The following SLC44A4 variants were observed in gnomAD, a reference collection of about 807,000 sequenced individuals.
The protein encoded by SLC44A4 is choline transporter-like protein 4.
A neutral mutation model predicts 97.0 loss-of-function variants in SLC44A4; 74 were observed. The observed-to-expected ratio is 0.76, with a 90% CI of 0.63 to 0.93. The LOEUF (loss-of-function observed/expected upper bound fraction) is 0.93. Among genes scored for constraint, SLC44A4 ranks in the 40% least tolerant of loss-of-function variants. The pLI, the probability that SLC44A4 is intolerant of heterozygous loss-of-function variation, is 0.00. For synonymous variants in SLC44A4, 325 were observed against 363.8 expected, an observed-to-expected ratio of 0.89 and a Z score of 1.21; for missense variants, 799 against 902.9, an observed-to-expected ratio of 0.88 and a Z score of 1.48.
rs375543593 is a variant in SLC44A4 at position 31,865,297 on chromosome 6, G to A, written c.1760+18C>T. The stretch of plus-strand genomic sequence containing the variant: ...GATCAGAGGAGGGAGCCACAAAGCG[G>A]GGGGGGAGCAGCCTAACCTGACAAT... On this transcript the variant is annotated intron_variant, in intron 17 of 20. Transcript: ENST00000229729. The surrounding 1 kb of genome is among the most constrained non-coding windows in gnomAD (Gnocchi z 5.2). 1.5e-5 allele frequency: 25 copies of A among 1,613,676 alleles called. No homozygotes were observed. The highest frequency in any genetic ancestry group is 8.8e-5 in the South Asian group (8 of 91,082).
In SLC44A4 at chr6:31,876,289, G is replaced by T. The variant is rs1763443188; in HGVS notation, c.90-160C>A. 6.6e-6 allele frequency among the ~76,000 whole-genome samples: 1 copy of T among 152,026 alleles called. No homozygotes were observed. Among genetic ancestry groups the T allele is most frequent in the South Asian group, 2.1e-4 (1 of 4,822 alleles). ...TATTGCTTTTACTTTTTTATTTTGA[G>T]ACAGGGTCTCACTCTGTCACACAGA... On this transcript the variant is annotated intron_variant, in intron 2 of 20. Transcript: ENST00000229729. This position sits in a 1 kb window ranked among gnomAD's most constrained non-coding sequence, Gnocchi z 4.8.
chr6:31,869,156 G>C lies in SLC44A4; in HGVS notation c.1232C>G (p.Thr411Arg). 1 of 1,603,498 alleles carries C rather than the reference G, an allele frequency of 6.2e-7. No individual in the cohort carries two copies. Among genetic ancestry groups the C allele is most frequent in the Non-Finnish European group, 8.5e-7 (1 of 1,175,098 alleles). The change falls in exon 13 of 21, where the codon ACG (threonine) becomes AGG (arginine). Residue 411 changes from threonine (T) to arginine (R), a missense_variant and splice_region_variant. Thr to Arg is a moderately conservative substitution (Grantham distance 71). Around this residue, in one of 3 missense-constraint regions of SLC44A4, gnomAD observed 379 missense variants for 438.3 expected, o/e 0.86. Transcript: ENST00000229729. Reference protein sequence around the residue: ...KVPINTSCNPTAHLVNSSCPG... With the variant: ...KVPINTSCNPRAHLVNSSCPG... ...TCCATGTCCCCTGCTTCCTCTTACCGTGGGGTTGCATGATGTATTTATTGG... is the reference window on the plus strand; with the variant it reads ...TCCATGTCCCCTGCTTCCTCTTACCCTGGGGTTGCATGATGTATTTATTGG...
Position 31,876,074 on chromosome 6 carries a change from T to C in SLC44A4, c.145A>G (p.Ile49Val), listed in dbSNP as rs755379510. The change falls in exon 3 of 21, where the codon ATC becomes GTC. Residue 49 changes from isoleucine (I) to valine (V), a missense_variant. Ile to Val is a conservative substitution (Grantham distance 29). Transcript: ENST00000229729. The surrounding 1 kb of genome is among the most constrained non-coding windows in gnomAD (Gnocchi z 4.8). ...AACTCACCCACAATCCCCACCACGA[T>C]GTAACCTAGAATGAAGAGCAGGAAG... ...VLFLLFILGYIVVGIVAWLYG... is the reference protein window; with the variant it reads ...VLFLLFILGYVVVGIVAWLYG... The C allele has an allele frequency of 6.2e-7, 1 of 1,613,900 alleles. No homozygotes were observed. Among genetic ancestry groups the C allele is most frequent in the East Asian group, 2.2e-5 (1 of 44,868 alleles).
At chr6:31,867,331 G>A (rs1481350950) in intron 13 of SLC44A4, among the ~76,000 whole-genome samples, 6 of 151,302 alleles carry the variant, frequency 4.0e-5, no homozygotes, top group Non-Finnish European at 7.4e-5. Flanking sequence ...TGGACCTCAT[G>A]ATTCACCTGC....
At chr6:31,868,921 T>C (rs1762998477) in intron 13 of SLC44A4, among the ~76,000 whole-genome samples, 1 of 152,106 alleles carries the variant, frequency 6.6e-6, no homozygotes, top group Non-Finnish European at 1.5e-5. Flanking sequence ...AGTCCTGGTA[T>C]CCAGGGCTGT....
At chr6:31,870,341 C>T (rs1763089630) in intron 11 of SLC44A4, among the ~76,000 whole-genome samples, 1 of 152,112 alleles carries the variant, frequency 6.6e-6, no homozygotes. Flanking sequence ...TCAGCCACCA[C>T]CACTCCCACC....
In SLC44A4 at chr6:31,865,366, A is replaced by C. The variant is rs778059469; in HGVS notation, c.1709T>G (p.Phe570Cys). The C allele has an allele frequency of 4.0e-5, 65 of 1,613,912 alleles. No individual in the cohort carries two copies. Among genetic ancestry groups the C allele is most frequent in the Non-Finnish European group, 5.0e-5 (59 of 1,180,032 alleles). Residue 570 changes from phenylalanine to cysteine, a missense_variant, in exon 17 of 21, where the codon TTC (phenylalanine) becomes TGC (cysteine). Phe to Cys is a radical substitution (Grantham distance 205). Coordinates refer to ENST00000229729, the MANE Select transcript of SLC44A4 (RefSeq NM_025257.3). The surrounding 1 kb of genome is among the most constrained non-coding windows in gnomAD (Gnocchi z 5.2). ...YIMIAIYGKN[F>C]CVSAKNAFML... is the part of the protein sequence containing the mutation. Reference sequence around the variant, plus strand: ...GAACGCATTTTTGGCTGAGACACAGAAATTCTTCCCGTAGATGGCGATCTG... The same window carrying C: ...GAACGCATTTTTGGCTGAGACACAGCAATTCTTCCCGTAGATGGCGATCTG...
chr6:31,871,454 TG>T lies in SLC44A4; in HGVS notation c.617+19del. The T allele has an allele frequency of 6.2e-7, 1 of 1,613,670 alleles. No homozygotes were observed. ...GGGTGGAAGGGGTGTGGCCAGGATG[TG>T]GGGGAGGGAGGTGCCTACCTGATCC... On this transcript the variant is annotated intron_variant, in intron 8 of 20. Transcript: ENST00000229729.
Position 31,877,675 on chromosome 6 carries a change from C to T in SLC44A4, c.41-593G>A. On this transcript the variant is annotated intron_variant, in intron 1 of 20. Transcript: ENST00000229729. The surrounding 1 kb of genome is among the most constrained non-coding windows in gnomAD (Gnocchi z 6.5). ...CTCACTCTGGTGGGACCTCAGTCCCCTGGCCACAGTGTGCTCCGGGCTCTG... is the reference window on the plus strand; with the variant it reads ...CTCACTCTGGTGGGACCTCAGTCCCTTGGCCACAGTGTGCTCCGGGCTCTG... 1.0e-6 allele frequency: 1 copy of T among 978,056 alleles called. No individual in the cohort carries two copies. Among genetic ancestry groups the T allele is most frequent in the African/African-American group, 1.7e-5 (1 of 57,170 alleles). 60.6% of individuals were successfully genotyped at this position (978,056 alleles called of 1,614,324 possible). A position where few individuals can be genotyped will look rare whatever the true frequency, so the allele number is the denominator to read the frequency against.
intron 4 of SLC44A4, among the ~76,000 whole-genome samples, chr6:31,875,548 C>A (rs2151570204): frequency 6.6e-6 from 1 of 152,316 alleles, no homozygotes. Context: ...TTGTCCAAGG[C>A]CACACAACCA....
In SLC44A4 at chr6:31,874,260, T is replaced by C. The variant is rs138562632; in HGVS notation, c.529+200A>G. On this transcript the variant is annotated intron_variant, in intron 7 of 20. Transcript: ENST00000229729. The surrounding 1 kb of genome is among the most constrained non-coding windows in gnomAD (Gnocchi z 4.8). The stretch of plus-strand genomic sequence containing the variant: ...TATCCCTGCCTCTGTCCCCAGCACC[T>C]GGCACATAGTAGGTCCCCAAAACAC... 1.0e-3 allele frequency among the ~76,000 whole-genome samples: 155 copies of C among 152,342 alleles called. 1 individual carries two copies. The highest frequency in any genetic ancestry group is 6.8e-3 in the Admixed American group (104 of 15,302).
chr6:31,871,322 C>A lies in SLC44A4; in HGVS notation c.693G>T (p.Trp231Cys). Residue 231 changes from tryptophan to cysteine, a missense_variant, in exon 9 of 21, where the codon TGG (tryptophan) becomes TGT (cysteine). Physicochemically the swap from Trp to Cys is radical, Grantham distance 215. This residue lies in a region of SLC44A4 where 409 missense variants were observed against 434.1 expected (regional missense o/e 0.94). Transcript: ENST00000229729. ...IFEDFAQSWY[W>C]ILVALGVALV... ...GGAATCTGGTGACTCACACAAGAAT[C>A]CAATACCAGGACTGGGCAAAATCTT... 3 of 1,614,002 alleles carry A rather than the reference C, an allele frequency of 1.9e-6. No homozygotes were observed. Among genetic ancestry groups the A allele is most frequent in the Non-Finnish European group, 1.7e-6 (2 of 1,179,896 alleles).
Position 31,869,136 on chromosome 6 carries a change from G to A in SLC44A4, c.1233+19C>T, listed in dbSNP as rs1763009309. 6 of 1,586,554 alleles carry A rather than the reference G, an allele frequency of 3.8e-6. No homozygotes were observed. The highest frequency in any genetic ancestry group is 5.2e-6 in the Non-Finnish European group (6 of 1,164,912). ...TCACCCCTACTAGTCCCGCCTCCAT[G>A]TCCCCTGCTTCCTCTTACCGTGGGG... On this transcript the variant is annotated intron_variant, in intron 13 of 20. Coordinates refer to ENST00000229729, the MANE Select transcript of SLC44A4 (RefSeq NM_025257.3).
rs989078144 is a variant in SLC44A4, at chr6:31,874,230, G to A, written c.529+230C>T. ...TAGAATGTAGCTGAAGCAGGGAGCA[G>A]TTGTTATCCCTGCCTCTGTCCCCAG... On this transcript the variant is annotated intron_variant, in intron 7 of 20. Transcript: ENST00000229729. This position sits in a 1 kb window ranked among gnomAD's most constrained non-coding sequence, Gnocchi z 4.8. Among the ~76,000 whole-genome samples the A allele has an allele frequency of 6.6e-6, 1 of 152,186 alleles. No homozygotes were observed. The highest frequency in any genetic ancestry group is 2.4e-5 in the African/African-American group (1 of 41,444).
At chr6:31,868,830 A>G (rs995578631) in intron 13 of SLC44A4, among the ~76,000 whole-genome samples, 1 of 130,642 alleles carries the variant, frequency 7.7e-6, no homozygotes, top group Non-Finnish European at 1.6e-5. Context: ...CAAACAAACA[A>G]ACAGGAGTAG....
At chr6:31,869,708 G>A (rs949137780) in intron 11 of SLC44A4, 71 bp from the exon 12 acceptor site, 3 of 1,280,850 alleles carry the variant, frequency 2.3e-6, no homozygotes, top group African/African-American at 1.5e-5. Context: ...GACCCCGGCC[G>A]GGCGCAGTGG....
At chr6:31,871,761 C>T (rs1763191810) in intron 7 of SLC44A4, among the ~76,000 whole-genome samples, 200 bp from the exon 8 acceptor site, 1 of 152,112 alleles carries the variant, frequency 6.6e-6, no homozygotes, top group African/African-American at 2.4e-5. Flanking sequence ...CCCTGTCGTG[C>T]CTTGGTTTGG....
At chr6:31,871,610 G>T in intron 7 of SLC44A4, 49 bp from the exon 8 acceptor site, 2 of 1,460,836 alleles carry the variant, frequency 1.4e-6, no homozygotes, top group Non-Finnish European at 1.9e-6. Flanking sequence ...AGCTCTGCCT[G>T]GAGGGTCTCT....
chr6:31,867,139 G>T (rs1424720800), intron 13 of SLC44A4, among the ~76,000 whole-genome samples: 1 of 151,780 alleles, frequency 6.6e-6, no homozygotes, highest in East Asian at 2.0e-4. Flanking sequence ...GAGTACAGTG[G>T]CTCAATCTCA....
Sources: allele counts gnomAD v4.1 joint callset (sites outside exome capture counted in the v4.1 genomes callset), GRCh38; gene constraint gnomAD v4.1.1; regional missense constraint gnomAD v4.1.1; non-coding constraint Gnocchi (gnomAD v3.1); transcripts MANE v1.5; gene names NCBI Gene and HGNC (gene_info 2026-07-23, HGNC 2026-07-21).